The following CNDP1 variants were observed in gnomAD, a reference collection of about 807,000 sequenced individuals.
The protein encoded by CNDP1 is beta-Ala-His dipeptidase.
In CNDP1, 44 loss-of-function variants were observed where a neutral mutation model predicts 58.1. The ratio of observed to expected loss-of-function variants is 0.76; its 90% CI spans 0.60 to 0.97. CNDP1 has a LOEUF of 0.97. Ranked by LOEUF, CNDP1 falls within the 50% of genes least tolerant of loss-of-function variation. CNDP1 has a pLI of 0.00. For synonymous variants in CNDP1, 254 were observed against 252.6 expected, an observed-to-expected ratio of 1.01 and a Z score of -0.05; for missense variants, 616 against 655.1, an observed-to-expected ratio of 0.94 and a Z score of 0.65.
intron 5 of CNDP1, among the ~76,000 whole-genome samples, chr18:74,566,545 A>G (rs1385346259): frequency 6.6e-6 from 1 of 152,232 alleles, no homozygotes; most frequent in Non-Finnish European, 1.5e-5. Flanking sequence ...TCTCTGGGGC[A>G]GGGGCAAAAT....
Position 74,576,828 on chromosome 18 carries a change from C to A in CNDP1, c.842-41C>A, listed in dbSNP as rs541904455. On this transcript the variant is annotated intron_variant, in intron 7 of 11. Transcript: ENST00000358821. ...GCTCCAGGACCACAACATTGGCACACTCCTTTCTACCTGGCTTTGTTTTCT... is the reference window on the plus strand; with the variant it reads ...GCTCCAGGACCACAACATTGGCACAATCCTTTCTACCTGGCTTTGTTTTCT... 8 of 1,570,292 alleles carry A rather than the reference C, an allele frequency of 5.1e-6. No individual in the cohort carries two copies. In the African/African-American group the frequency reaches 1.1e-4, roughly 21 times the overall value.
At chr18:74,541,030 A>G (rs1339065626) in intron 1 of CNDP1, among the ~76,000 whole-genome samples, 1 of 152,180 alleles carries the variant, frequency 6.6e-6, no homozygotes, top group African/African-American at 2.4e-5. Flanking sequence ...AGTTCCAGAC[A>G]CCCACTAGCG....
At chr18:74,539,178 C>CAAA (rs5826332) in intron 1 of CNDP1, among the ~76,000 whole-genome samples, 2 of 143,234 alleles carry the variant, frequency 1.4e-5, no homozygotes, top group African/African-American at 2.6e-5. Context: ...TCCCTCATCT[C>CAAA]AAAAAAAAAA....
chr18:74,578,652 A>G (rs1242801205), intron 9 of CNDP1, among the ~76,000 whole-genome samples: 2 of 152,176 alleles, frequency 1.3e-5, no homozygotes, highest in Non-Finnish European at 1.5e-5. Flanking sequence ...AAAAGAATCC[A>G]GTCTTTTCCC....
chr18:74,545,032 A>G lies in CNDP1; in HGVS notation c.24+10341A>G, dbSNP rs1264865136. 6.6e-6 allele frequency among the ~76,000 whole-genome samples: 1 copy of G among 152,086 alleles called. No homozygotes were observed. The highest frequency in any genetic ancestry group is 1.5e-5 in the Non-Finnish European group (1 of 67,992). ...GTCACAGCAAAGGACTGCTGCCAAC[A>G]CCAGAAGCTGGAGGGGCAGGAAGGA... On this transcript the variant is annotated intron_variant, in intron 1 of 11. Transcript: ENST00000358821. The surrounding 1 kb of genome is among the most constrained non-coding windows in gnomAD (Gnocchi z 4.1).
At chr18:74,556,737 G>A (rs1284266502) in intron 2 of CNDP1, among the ~76,000 whole-genome samples, 2 of 152,092 alleles carry the variant, frequency 1.3e-5, no homozygotes, top group African/African-American at 2.4e-5. Flanking sequence ...CAGCACCTCC[G>A]CTGAGCTCAA....
chr18:74,546,534 C>T (rs929503315), intron 1 of CNDP1, among the ~76,000 whole-genome samples: 1 of 152,070 alleles, frequency 6.6e-6, no homozygotes, highest in Non-Finnish European at 1.5e-5. Flanking sequence ...GTAGGTGCCA[C>T]ATGCCGTATT....
intron 8 of CNDP1, 103 bp downstream of exon 8, chr18:74,577,132 G>T: frequency 9.1e-7 from 1 of 1,101,238 alleles, no homozygotes; most frequent in Non-Finnish European, 1.3e-6. Context: ...CCGTATCTTA[G>T]AATCCAAAGC....
intron 1 of CNDP1, among the ~76,000 whole-genome samples, chr18:74,553,692 A>G (rs1486824280): frequency 6.6e-6 from 1 of 152,212 alleles, no homozygotes; most frequent in Non-Finnish European, 1.5e-5. Context: ...CCTCTCGATT[A>G]TTATCCAGCA....
chr18:74,577,137 C>A, intron 8 of CNDP1, 108 bp downstream of exon 8: 1 of 1,043,472 alleles, frequency 9.6e-7, no homozygotes, highest in Non-Finnish European at 1.3e-6. Flanking sequence ...TCTTAGAATC[C>A]AAAGCAGATG....
At chr18:74,568,985 G>A (rs1475407874) in intron 6 of CNDP1, among the ~76,000 whole-genome samples, 2 of 152,146 alleles carry the variant, frequency 1.3e-5, no homozygotes, top group Non-Finnish European at 2.9e-5. Context: ...ATCAACGGTG[G>A]TATTCAGGTT....
intron 2 of CNDP1, among the ~76,000 whole-genome samples, chr18:74,558,149 A>G (rs992026081): frequency 4.6e-5 from 7 of 152,238 alleles, no homozygotes. Context: ...GAATAGAGAG[A>G]TCAAACTCAA....
At chr18:74,556,613 C>A in intron 2 of CNDP1, 147 bp downstream of exon 2, 3 of 903,090 alleles carry the variant, frequency 3.3e-6, no homozygotes, top group Non-Finnish European at 5.2e-6. Context: ...GGTTAAAAAT[C>A]TTCAGTATTC....
chr18:74,576,647 A>G, intron 7 of CNDP1: 1 of 427,338 alleles, frequency 2.3e-6, no homozygotes, highest in Non-Finnish European at 4.1e-6. Context: ...CAAGGTGAAC[A>G]CTAAAGCAGG....
intron 5 of CNDP1, among the ~76,000 whole-genome samples, chr18:74,563,214 A>T (rs950524012): frequency 3.3e-5 from 5 of 152,166 alleles, no homozygotes; most frequent in African/African-American, 1.2e-4. Context: ...AGTCTCACAG[A>T]AGACACCTCA....
chr18:74,534,777 G>A (rs879449918), intron 1 of CNDP1, 86 bp downstream of exon 1: 96 of 1,508,858 alleles, frequency 6.4e-5, no homozygotes, highest in Admixed American at 2.9e-4. Context: ...AGCCCAGTTG[G>A]GCAGGGCAGG....
At chr18:74,574,669 G>GAACTCTT (rs1275330057) in intron 7 of CNDP1, 4 of 152,142 alleles carry the variant, frequency 2.6e-5, no homozygotes, top group Non-Finnish European at 5.9e-5. Context: ...GGGAGGGGGC[G>GAACTCTT]AACTCTTAAG....
intron 6 of CNDP1, 123 bp from the exon 7 acceptor site, chr18:74,571,063 G>A (rs1317399466): frequency 1.1e-5 from 7 of 657,346 alleles, no homozygotes; most frequent in Non-Finnish European, 1.9e-5. Flanking sequence ...GTGAAGTCAG[G>A]TCTGGATGTT....
Position 74,545,434 on chromosome 18 carries a change from G to T in CNDP1, c.24+10743G>T, listed in dbSNP as rs1171667132. Reference sequence around the variant, plus strand: ...ATTTTGCTGTGAGCTGAATGTGTAAGATGACACTTTAAAGGCTGTGTACGT... The same window carrying T: ...ATTTTGCTGTGAGCTGAATGTGTAATATGACACTTTAAAGGCTGTGTACGT... On this transcript the variant is annotated intron_variant, in intron 1 of 11. Transcript: ENST00000358821. This position sits in a 1 kb window ranked among gnomAD's most constrained non-coding sequence, Gnocchi z 4.1. Among the ~76,000 whole-genome samples the T allele has an allele frequency of 6.6e-6, 1 of 152,192 alleles. No individual in the cohort carries two copies. Among genetic ancestry groups the T allele is most frequent in the East Asian group, 1.9e-4 (1 of 5,194 alleles).
Sources: allele counts gnomAD v4.1 joint callset (sites outside exome capture counted in the v4.1 genomes callset), GRCh38; gene constraint gnomAD v4.1.1; non-coding constraint Gnocchi (gnomAD v3.1); transcripts MANE v1.5; gene names NCBI Gene and HGNC (gene_info 2026-07-23, HGNC 2026-07-21).